CCBE1: variants seen among roughly 807,000 people sequenced by gnomAD.
CCBE1 encodes collagen and calcium binding EGF domains 1, also known as collagen and calcium-binding EGF domain-containing protein 1.
Under a neutral mutation model 50.0 loss-of-function variants are expected in CCBE1, and 37 were observed. The ratio of observed to expected loss-of-function variants is 0.74; its 90% CI spans 0.57 to 0.97. The LOEUF (loss-of-function observed/expected upper bound fraction) is 0.97, where lower values mean the gene tolerates loss of function less well. Ranked by LOEUF, CCBE1 falls within the 50% of genes least tolerant of loss-of-function variation. The probability of loss-of-function intolerance (pLI) is 0.00; values close to 1 mark genes in which losing one functional copy is unlikely to be tolerated. For synonymous variants in CCBE1, 234 were observed against 203.7 expected, an observed-to-expected ratio of 1.15 and a Z score of -1.27; for missense variants, 538 against 523.8, an observed-to-expected ratio of 1.03 and a Z score of -0.26.
chr18:59,584,726 A>G (rs909662286), intron 2 of CCBE1, among the ~76,000 whole-genome samples: 10 of 152,252 alleles, frequency 6.6e-5, no homozygotes, highest in Admixed American at 4.6e-4. Context: ...ACCTTCCACC[A>G]CAAGTAAAAG....
intron 3 of CCBE1, among the ~76,000 whole-genome samples, chr18:59,470,192 C>A (rs1352248791): frequency 6.6e-6 from 1 of 152,174 alleles, no homozygotes; most frequent in Non-Finnish European, 1.5e-5. Context: ...GGAGGCATCA[C>A]AATCATGGCT....
At chr18:59,697,503 G>T, upstream of CCBE1, 2 of 930,626 alleles carry the variant, frequency 2.1e-6, no homozygotes, top group South Asian at 1.8e-5. Flanking sequence ...AATATTATGG[G>T]GCTGGGGGGA....
chr18:59,439,991 G>A (rs925812495), intron 7 of CCBE1, among the ~76,000 whole-genome samples, 175 bp from the exon 8 acceptor site: 6 of 152,190 alleles, frequency 3.9e-5, no homozygotes, highest in Admixed American at 6.5e-5. Flanking sequence ...GATCAAAAGC[G>A]GCTTCCCCAT....
intron 2 of CCBE1, among the ~76,000 whole-genome samples, chr18:59,635,933 G>A (rs1208152139): frequency 6.6e-6 from 1 of 152,168 alleles, no homozygotes; most frequent in East Asian, 1.9e-4. Flanking sequence ...AGGCTGAGGT[G>A]GGAATGATAG....
At chr18:59,639,247 T>C (rs9967489) in intron 2 of CCBE1, among the ~76,000 whole-genome samples, 4,839 of 152,122 alleles carry the variant, frequency 0.032, 255 homozygotes, top group African/African-American at 0.11. Context: ...CCAGCACAGG[T>C]GACAGAGCAA....
At chr18:59,478,583 T>C (rs1212186782) in intron 3 of CCBE1, among the ~76,000 whole-genome samples, 1 of 152,234 alleles carries the variant, frequency 6.6e-6, no homozygotes, top group Admixed American at 6.5e-5. Flanking sequence ...ATAGGTGCTG[T>C]AGTCTCTTTA....
At chr18:59,524,126 G>A (rs1372642357) in intron 2 of CCBE1, among the ~76,000 whole-genome samples, 1 of 152,166 alleles carries the variant, frequency 6.6e-6, no homozygotes, top group African/African-American at 2.4e-5. Flanking sequence ...TTCGAGACCA[G>A]CCTGACCAAC....
intron 2 of CCBE1, chr18:59,666,155 A>C (rs1338845057): frequency 2.0e-5 from 3 of 152,254 alleles, no homozygotes; most frequent in African/African-American, 7.2e-5. Flanking sequence ...AGATGGCAGC[A>C]GGCAAAGAGA....
rs1457191841 is a variant in CCBE1, at chr18:59,640,999, A to G, written c.212+55630T>C. Among the ~76,000 whole-genome samples the G allele has an allele frequency of 2.0e-5, 3 of 152,208 alleles. No homozygotes were observed. The East Asian group carries it at 5.8e-4, about 29-fold the overall frequency. On this transcript the variant is annotated intron_variant, in intron 2 of 10. Transcript: ENST00000439986. The stretch of plus-strand genomic sequence containing the variant: ...ATAACTGATGCTGGTGAGGCTGCAG[A>G]GAAAAGGGAACGCTCCTACACTGCT...
At chr18:59,694,823 A>G (rs1019167823) in intron 2 of CCBE1, among the ~76,000 whole-genome samples, 1 of 152,218 alleles carries the variant, frequency 6.6e-6, no homozygotes, top group Non-Finnish European at 1.5e-5. Flanking sequence ...AAAATCTAAG[A>G]TCTTTTCATA....
At chr18:59,521,995 T>C (rs1422612859) in intron 2 of CCBE1, among the ~76,000 whole-genome samples, 1 of 152,236 alleles carries the variant, frequency 6.6e-6, no homozygotes, top group African/African-American at 2.4e-5. Context: ...ATCCAGGCTG[T>C]ATTCTTTATA....
intron 2 of CCBE1, among the ~76,000 whole-genome samples, chr18:59,689,881 G>C (rs1266998309): frequency 1.3e-5 from 2 of 152,144 alleles, no homozygotes; most frequent in African/African-American, 2.4e-5. Flanking sequence ...AAAACCTTCT[G>C]TTACCACCAT....
chr18:59,635,667 A>G (rs529200503), intron 2 of CCBE1, among the ~76,000 whole-genome samples: 1 of 152,274 alleles, frequency 6.6e-6, no homozygotes, highest in East Asian at 1.9e-4. Flanking sequence ...TTCACCTAAG[A>G]GTAACCCACT....
chr18:59,493,866 T>A (rs970928483), intron 2 of CCBE1, among the ~76,000 whole-genome samples: 1 of 152,212 alleles, frequency 6.6e-6, no homozygotes, highest in Admixed American at 6.5e-5. Flanking sequence ...TTTCCCATGC[T>A]ATTATAGTAA....
intron 2 of CCBE1, among the ~76,000 whole-genome samples, chr18:59,617,292 T>C (rs151204745): frequency 3.1e-4 from 47 of 152,356 alleles, no homozygotes; most frequent in Middle Eastern, 3.4e-3. Flanking sequence ...AGGCATTCAG[T>C]AACATTTTTG....
chr18:59,656,530 G>A (rs1048342313), intron 2 of CCBE1, among the ~76,000 whole-genome samples: 4 of 152,152 alleles, frequency 2.6e-5, no homozygotes, highest in African/African-American at 7.2e-5. Context: ...GCTTTAAATT[G>A]TTCTTAAAGG....
At chr18:59,624,702 CAA>C (rs2053756644) in intron 2 of CCBE1, among the ~76,000 whole-genome samples, 1 of 152,142 alleles carries the variant, frequency 6.6e-6, no homozygotes, top group African/African-American at 2.4e-5. Flanking sequence ...AAAACAAAAA[CAA>C]AAGAGAGCCT....
intron 2 of CCBE1, among the ~76,000 whole-genome samples, chr18:59,510,847 T>C (rs1914101632): frequency 6.6e-6 from 1 of 152,242 alleles, no homozygotes; most frequent in South Asian, 2.1e-4. Flanking sequence ...CTAGTTAAGA[T>C]GGTCTTAAAA....
At chr18:59,518,205 C>G (rs1379515025) in intron 2 of CCBE1, among the ~76,000 whole-genome samples, 1 of 152,166 alleles carries the variant, frequency 6.6e-6, no homozygotes. Flanking sequence ...GAGAACAAAG[C>G]TGGCTGGGCA....
Sources: allele counts gnomAD v4.1 joint callset (sites outside exome capture counted in the v4.1 genomes callset), GRCh38; gene constraint gnomAD v4.1.1; transcripts MANE v1.5; gene names NCBI Gene and HGNC (gene_info 2026-07-23, HGNC 2026-07-21).